EVC2: variants seen among roughly 807,000 people sequenced by gnomAD.
EVC2 encodes the protein limbin.
Under a neutral mutation model 149.3 loss-of-function variants are expected in EVC2, and 148 were observed. The ratio of observed to expected loss-of-function variants is 0.99; its 90% CI spans 0.87 to 1.14. EVC2 has a LOEUF of 1.14. Among genes scored for constraint, EVC2 ranks in the 50% most tolerant of loss-of-function variants. The pLI is 0.00. For synonymous variants in EVC2, 776 were observed against 649.9 expected (o/e 1.19, Z -2.95); for missense variants, 1,854 against 1,627.3 (o/e 1.14, Z -2.40).
At chr4:5,593,683 G>A (rs552382700) in intron 16 of EVC2, among the ~76,000 whole-genome samples, 18 of 152,256 alleles carry the variant, frequency 1.2e-4, no homozygotes, top group Admixed American at 1.3e-4. Flanking sequence ...CTGAGGTACC[G>A]GGATCATCTC....
intron 16 of EVC2, among the ~76,000 whole-genome samples, chr4:5,587,516 A>T (rs1004353092): frequency 6.6e-6 from 1 of 152,242 alleles, no homozygotes; most frequent in Non-Finnish European, 1.5e-5. Flanking sequence ...AAATTAAAAG[A>T]GAATCTAACG....
At chr4:5,543,426 T>C (rs1189313816) in intron 21 of EVC2, among the ~76,000 whole-genome samples, 2 of 152,214 alleles carry the variant, frequency 1.3e-5, no homozygotes, top group Non-Finnish European at 2.9e-5. Flanking sequence ...GCCCAAAGCA[T>C]TCAACGGCAA....
rs1716929413 is a variant in EVC2, at chr4:5,637,028, C to T, written c.1470+3486G>A. The stretch of plus-strand genomic sequence containing the variant: ...GACATCCGGAGTGATGGTGCCTGCC[C>T]AATACACGCTGGCTTGCAAGGTGGT... On this transcript the variant is annotated intron_variant, in intron 10 of 21. Transcript: ENST00000344408. This position sits in a 1 kb window ranked among gnomAD's most constrained non-coding sequence, Gnocchi z 4.4. 6.6e-6 allele frequency among the ~76,000 whole-genome samples: 1 copy of T among 152,032 alleles called. No individual in the cohort carries two copies. Among genetic ancestry groups the T allele is most frequent in the South Asian group, 2.1e-4 (1 of 4,812 alleles).
At chr4:5,632,761 G>A (rs2108852798) in intron 10 of EVC2, among the ~76,000 whole-genome samples, 1 of 152,184 alleles carries the variant, frequency 6.6e-6, no homozygotes, top group Non-Finnish European at 1.5e-5. Flanking sequence ...CCTCTACTGA[G>A]CTCCTGATCC....
intron 12 of EVC2, among the ~76,000 whole-genome samples, chr4:5,627,889 C>T (rs1251045170): frequency 6.6e-6 from 1 of 152,122 alleles, no homozygotes; most frequent in African/African-American, 2.4e-5. Context: ...TGAGCCTCAT[C>T]ACTGATTTCT....
intron 17 of EVC2, among the ~76,000 whole-genome samples, chr4:5,579,610 G>A (rs942459568): frequency 6.6e-6 from 1 of 152,216 alleles, no homozygotes; most frequent in Non-Finnish European, 1.5e-5. Flanking sequence ...GGGAGGCCAA[G>A]GTGGGAGGAT....
intron 21 of EVC2, among the ~76,000 whole-genome samples, chr4:5,552,804 G>C (rs930847138): frequency 1.3e-5 from 2 of 152,184 alleles, no homozygotes; most frequent in Non-Finnish European, 2.9e-5. Context: ...TACTGAAGAG[G>C]AAGCCGAGGT....
At chr4:5,689,762 G>C (rs1221201442) in intron 4 of EVC2, among the ~76,000 whole-genome samples, 1 of 152,132 alleles carries the variant, frequency 6.6e-6, no homozygotes, top group Non-Finnish European at 1.5e-5. Context: ...CTCCAGGAAG[G>C]ACCCGAGCTG....
chr4:5,708,773 A>G (rs972331241), upstream of EVC2: 53 of 376,912 alleles, frequency 1.4e-4, no homozygotes, highest in Non-Finnish European at 2.3e-4. Context: ...AGAGCGGGTC[A>G]CTCCCCTGCT....
chr4:5,708,528 C>T lies in EVC2; in HGVS notation c.-15G>A, dbSNP rs76269601. 119,402 of 1,433,358 alleles carry T rather than the reference C, an allele frequency of 0.083. 5,742 individuals are homozygous for T. Among genetic ancestry groups the T allele is most frequent in the East Asian group, 0.19 (6,373 of 33,728 alleles). The allele number at this position is 1,433,358 out of a possible 1,614,324, so 88.8% of individuals were successfully genotyped here. A position where few individuals can be genotyped will look rare whatever the true frequency, so the allele number is the denominator to read the frequency against. ...GAGGGGTCCATCGCCTGTCGGGACC[C>T]GCTACCTCAAAGCGGCGGGTGCCGC... On this transcript the variant is annotated 5_prime_UTR_variant, in exon 1 of 22. Coordinates refer to ENST00000344408, the MANE Select transcript of EVC2 (RefSeq NM_147127.5).
intron 21 of EVC2, among the ~76,000 whole-genome samples, chr4:5,547,519 C>G (rs1289663396): frequency 6.6e-6 from 1 of 152,188 alleles, no homozygotes; most frequent in East Asian, 1.9e-4. Context: ...CCAGGCCATT[C>G]ATGGCCATCC....
intron 9 of EVC2, among the ~76,000 whole-genome samples, chr4:5,646,399 T>C (rs1390345343): frequency 6.6e-6 from 1 of 151,946 alleles, no homozygotes; most frequent in East Asian, 1.9e-4. Context: ...TTTTAATGGC[T>C]TTTTTTTCCT....
At position 5,563,132 on chromosome 4, in the gene EVC2, A is replaced by C. The variant is rs1722062999; in HGVS notation, c.3660-17T>G. The C allele has an allele frequency of 2.5e-6, 4 of 1,609,458 alleles. No homozygotes were observed. The South Asian group carries it at 4.4e-5, about 18-fold the overall frequency. ...TTTAATATGCTAAAGAAATAGCAAA[A>C]GATCAAATTCAATATTTTTGGCAAT... On this transcript the variant is annotated splice_polypyrimidine_tract_variant and intron_variant, in intron 21 of 21. Coordinates refer to ENST00000344408, the MANE Select transcript of EVC2 (RefSeq NM_147127.5).
intron 7 of EVC2, among the ~76,000 whole-genome samples, chr4:5,671,679 T>A (rs1719660075): frequency 6.6e-6 from 1 of 152,076 alleles, no homozygotes; most frequent in African/African-American, 2.4e-5. Context: ...GCCCAGCTAA[T>A]TTTTGTACTT....
chr4:5,623,503 A>C (rs1197215155), intron 13 of EVC2, among the ~76,000 whole-genome samples: 2 of 151,862 alleles, frequency 1.3e-5, no homozygotes, highest in African/African-American at 2.4e-5. Context: ...CCACACCCAG[A>C]TAATTTTTGT....
chr4:5,622,905 C>G lies in EVC2; in HGVS notation c.2133G>C (p.Arg711Ser). Reference protein sequence around the residue: ...EDAGQYLHQKRSLMEEHGATL... With the variant: ...EDAGQYLHQKSSLMEEHGATL... ...TGGCACCGTGCTCCTCCATCAGGCT[C>G]CTCTTCTGGTGCAGGTACTGGCCGG... Residue 711 changes from arginine (R) to serine (S), a missense_variant, in exon 14 of 22, where the codon AGG becomes AGC. Physicochemically the swap from Arg to Ser is moderately radical, Grantham distance 110. Transcript: ENST00000344408. This position sits in a 1 kb window ranked among gnomAD's most constrained non-coding sequence, Gnocchi z 5.8. 1 of 1,614,200 alleles carries G rather than the reference C, an allele frequency of 6.2e-7. No individual in the cohort carries two copies. Among genetic ancestry groups the G allele is most frequent in the East Asian group, 2.2e-5 (1 of 44,868 alleles).
intron 4 of EVC2, among the ~76,000 whole-genome samples, chr4:5,690,806 A>G (rs964769173): frequency 1.3e-5 from 2 of 152,106 alleles, no homozygotes; most frequent in Non-Finnish European, 2.9e-5. Context: ...ACTGTAACTG[A>G]GCAGAATGGC....
intron 21 of EVC2, among the ~76,000 whole-genome samples, chr4:5,543,945 G>C (rs1287701973): frequency 6.6e-6 from 1 of 152,168 alleles, no homozygotes; most frequent in Admixed American, 6.5e-5. Context: ...ATCATGAGGA[G>C]ACCCAAGCAC....
At chr4:5,588,658 A>G (rs1712510593) in intron 16 of EVC2, among the ~76,000 whole-genome samples, 1 of 152,096 alleles carries the variant, frequency 6.6e-6, no homozygotes, top group Non-Finnish European at 1.5e-5. Flanking sequence ...TAATTCTCAC[A>G]CACATGTGTA....
Sources: allele counts gnomAD v4.1 joint callset (sites outside exome capture counted in the v4.1 genomes callset), GRCh38; gene constraint gnomAD v4.1.1; non-coding constraint Gnocchi (gnomAD v3.1); transcripts MANE v1.5; gene names NCBI Gene and HGNC (gene_info 2026-07-23, HGNC 2026-07-21).